The following LAMA5 variants were observed in gnomAD, a reference collection of about 807,000 sequenced individuals.
LAMA5 encodes the protein laminin subunit alpha 5, also known as laminin subunit alpha-5.
LAMA5 carries 260 observed loss-of-function variants against 433.4 expected under a neutral mutation model. The observed-to-expected ratio is 0.60, with a 90% CI of 0.54 to 0.66. The LOEUF (loss-of-function observed/expected upper bound fraction) is 0.66. LAMA5 is among the 30% of genes least tolerant of loss of function. LAMA5 has a pLI of 0.00. For missense variants in LAMA5, 5,378 were observed against 5,258.5 expected, an observed-to-expected ratio of 1.02 and a Z score of -0.70; for synonymous variants, 2,620 against 2,226.6, an observed-to-expected ratio of 1.18 and a Z score of -4.97.
chr20:62,356,805 C>T (rs574800469), intron 2 of LAMA5, among the ~76,000 whole-genome samples: 2 of 151,966 alleles, frequency 1.3e-5, no homozygotes, highest in Admixed American at 6.6e-5. Flanking sequence ...GGATAAAATG[C>T]CTTTCATGAG....
intron 11 of LAMA5, among the ~76,000 whole-genome samples, chr20:62,339,773 T>A (rs1478380921): frequency 6.6e-6 from 1 of 152,028 alleles, no homozygotes; most frequent in Non-Finnish European, 1.5e-5. Flanking sequence ...TTGCTCTAAC[T>A]TGTGAAAGTC....
chr20:62,327,535 G>A lies in LAMA5; in HGVS notation c.4932C>T (p.Arg1644=). The change falls in exon 37 of 80, where the codon CGC becomes CGT. Residue 1644 remains arginine, a synonymous_variant. Coordinates refer to ENST00000252999, the MANE Select transcript of LAMA5 (RefSeq NM_005560.6). ...CTCAGTCCTGCAGGCGCACCTCCTG[G>A]CGGGTGTAGGACGAGCTCCGGCAGC... ...TERCRSSSYT[R]QEFVDMEGWV... 6.2e-7 allele frequency: 1 copy of A among 1,612,876 alleles called. No homozygotes were observed. The highest frequency in any genetic ancestry group is 8.5e-7 in the Non-Finnish European group (1 of 1,179,992).
chr20:62,348,356 G>A lies in LAMA5; in HGVS notation c.957-1328C>T, dbSNP rs1230552382. ...GCAGTGGCTCACGCCTGTAATCCCA[G>A]CACTTTGGGAAGCCAAGGCGGGTGG... On this transcript the variant is annotated intron_variant, in intron 6 of 79. Transcript: ENST00000252999. Among the ~76,000 whole-genome samples the A allele has an allele frequency of 2.6e-5, 4 of 152,228 alleles. No individual in the cohort carries two copies. The South Asian group carries it at 8.3e-4, about 32-fold the overall frequency.
intron 2 of LAMA5, among the ~76,000 whole-genome samples, chr20:62,357,847 C>G (rs61051025): frequency 0.063 from 9,648 of 152,248 alleles, 347 homozygotes; most frequent in South Asian, 0.16. Context: ...CTCAACAGAG[C>G]TGGGCCTGGG....
chr20:62,314,480 G>C, intron 61 of LAMA5, 40 bp from the exon 62 acceptor site: 1 of 1,611,194 alleles, frequency 6.2e-7, no homozygotes, highest in Non-Finnish European at 8.5e-7. Flanking sequence ...TGGGGACCGG[G>C]GACCAGGGAC....
chr20:62,322,531 T>G, intron 46 of LAMA5, 82 bp from the exon 47 acceptor site: 2 of 1,467,314 alleles, frequency 1.4e-6, no homozygotes, highest in South Asian at 2.5e-5. Context: ...CCTGCCCATC[T>G]GGCCCCACCC....
At position 62,359,486 on chromosome 20, in the gene LAMA5, GGGGCCT is replaced by G; in HGVS notation, c.450+2908_450+2913del. ...TCACCCTTCCCTGGGCCTGGGGCCT[GGGGCCT>G]GGGGCCTGGGTGTGGTTCTCGGAAG... On this transcript the variant is annotated intron_variant, in intron 2 of 79. Coordinates refer to ENST00000252999, the MANE Select transcript of LAMA5 (RefSeq NM_005560.6). The surrounding 1 kb of genome is among the most constrained non-coding windows in gnomAD (Gnocchi z 4.3). Among the ~76,000 whole-genome samples the G allele has an allele frequency of 6.6e-6, 1 of 152,062 alleles. No individual in the cohort carries two copies. The highest frequency in any genetic ancestry group is 2.1e-4 in the South Asian group (1 of 4,812).
At chr20:62,360,629 G>A (rs185791144) in intron 2 of LAMA5, among the ~76,000 whole-genome samples, 58 of 39,780 alleles carry the variant, frequency 1.5e-3, no homozygotes, top group East Asian at 8.5e-3. Context: ...TGGGTGGAGG[G>A]ATAGATGGGT....
At position 62,311,694 on chromosome 20, in the gene LAMA5, C is replaced by G; in HGVS notation, c.9726G>C (p.Pro3242=). The change falls in exon 71 of 80, where the codon CCG becomes CCC. Residue 3242 remains proline (P), a synonymous_variant. Coordinates refer to ENST00000252999, the MANE Select transcript of LAMA5 (RefSeq NM_005560.6). Reference sequence around the variant, plus strand: ...CAGGCAGGCCTCCCAGGAGGAGCCTCGGGGGCCCCTCAGGCTGCGGCTGGA... The same window carrying G: ...CAGGCAGGCCTCCCAGGAGGAGCCTGGGGGGCCCCTCAGGCTGCGGCTGGA... ...PELQPQPEGP[P]RLLLGGLPES... is the part of the protein sequence containing the mutation. 6.3e-7 allele frequency: 1 copy of G among 1,579,912 alleles called. No individual in the cohort carries two copies. The highest frequency in any genetic ancestry group is 1.7e-4 in the Middle Eastern group (1 of 5,938).
chr20:62,314,274 G>A (rs1568898810), intron 62 of LAMA5, 30 bp downstream of exon 62: 4 of 1,605,362 alleles, frequency 2.5e-6, no homozygotes, highest in East Asian at 4.5e-5. Flanking sequence ...TGCAGTTGGA[G>A]GCATCCGGCC....
intron 23 of LAMA5, 53 bp from the exon 24 acceptor site, chr20:62,333,759 G>C (rs1980970516): frequency 7.0e-7 from 1 of 1,430,092 alleles, no homozygotes; most frequent in Admixed American, 2.3e-5. Flanking sequence ...GGCCACCCCA[G>C]GCTGCACCCC....
In LAMA5 at chr20:62,346,145, G is replaced by T; in HGVS notation, c.1353C>A (p.Pro451=). 6.2e-7 allele frequency: 1 copy of T among 1,613,104 alleles called. No individual in the cohort carries two copies. Among genetic ancestry groups the T allele is most frequent in the Non-Finnish European group, 8.5e-7 (1 of 1,179,990 alleles). The change falls in exon 10 of 80, where the codon CCC becomes CCA. Residue 451 remains proline (P), a synonymous_variant. Coordinates refer to ENST00000252999, the MANE Select transcript of LAMA5 (RefSeq NM_005560.6). The part of the protein sequence containing the change: ...EDLTGRCYCR[P]NFSGERCDVC... Reference sequence around the variant, plus strand: ...CGTCACACCGCTCCCCAGAGAAGTTGGGCCGGCAGTAGCATCGACCCGTCA... The same window carrying T: ...CGTCACACCGCTCCCCAGAGAAGTTTGGCCGGCAGTAGCATCGACCCGTCA...
rs544127218 is a variant in LAMA5, at chr20:62,324,460, G to A, written c.5624C>T (p.Pro1875Leu). The change falls in exon 42 of 80, where the codon CCT (proline) becomes CTT (leucine). Residue 1875 changes from proline (P) to leucine (L), a missense_variant. Transcript: ENST00000252999. The surrounding 1 kb of genome is among the most constrained non-coding windows in gnomAD (Gnocchi z 4.4). ...ACTCACCACACAGACGCCAGAGCCA[G>A]GGAGGCAGCGGTCTGAGTGTCCATG... The part of the protein sequence containing the change: ...QCHGHSDRCL[P>L]GSGVCVDCQH... 49 of 1,612,042 alleles carry A rather than the reference G, an allele frequency of 3.0e-5. No homozygotes were observed. In the East Asian group the frequency reaches 9.6e-4, roughly 32 times the overall value.
chr20:62,312,353 C>T, intron 68 of LAMA5, 37 bp from the exon 69 acceptor site: 1 of 1,602,514 alleles, frequency 6.2e-7, no homozygotes, highest in Non-Finnish European at 8.5e-7. Flanking sequence ...CGCGGGTGCC[C>T]CTGCATGTCC....
chr20:62,366,087 A>C (rs977936307), intron 1 of LAMA5, among the ~76,000 whole-genome samples: 1 of 152,198 alleles, frequency 6.6e-6, no homozygotes, highest in Non-Finnish European at 1.5e-5. Context: ...CAGGGCCCCT[A>C]GACTCTCCCT....
At chr20:62,322,629 A>AC in intron 46 of LAMA5, 29 bp downstream of exon 46, 1 of 637,306 alleles carries the variant, frequency 1.6e-6, no homozygotes, top group Non-Finnish European at 2.5e-6. Context: ...GGCCCCACCC[A>AC]CCCAGCCCTG....
intron 48 of LAMA5, 128 bp from the exon 49 acceptor site, chr20:62,321,018 C>T: frequency 9.7e-7 from 1 of 1,026,558 alleles, no homozygotes; most frequent in Non-Finnish European, 1.4e-6. Flanking sequence ...CTTAGGGACA[C>T]AGGACCTGTG....
At position 62,311,019 on chromosome 20, in the gene LAMA5, G is replaced by A. The variant is rs1986207013; in HGVS notation, c.10164C>T (p.Gly3388=). 3 of 1,609,788 alleles carry A rather than the reference G, an allele frequency of 1.9e-6. No individual in the cohort carries two copies. Among genetic ancestry groups the A allele is most frequent in the East Asian group, 2.2e-5 (1 of 44,820 alleles). ...LLLFTARLRP[G]SPSLALFLSN... is the part of the protein sequence containing the mutation. ...TCAGGAAGAGCGCCAGGGAGGGGCT[G>A]CCGGGCCTCAGACGGGCAGTGAAGA... Residue 3388 remains glycine, a synonymous_variant, in exon 74 of 80, where the codon GGC becomes GGT. Coordinates refer to ENST00000252999, the MANE Select transcript of LAMA5 (RefSeq NM_005560.6).
In LAMA5 at chr20:62,329,159, G is replaced by A. The variant is rs1353220009; in HGVS notation, c.4214C>T (p.Ala1405Val). Residue 1405 changes from alanine to valine, a missense_variant, in exon 33 of 80, where the codon GCA (alanine) becomes GTA (valine). Ala to Val is a moderately conservative substitution (Grantham distance 64). Coordinates refer to ENST00000252999, the MANE Select transcript of LAMA5 (RefSeq NM_005560.6). ...DKSYDFISHCAAQGYHISPSS... is the reference protein window; with the variant it reads ...DKSYDFISHCVAQGYHISPSS... ...CCACCTGATGTGGTAGCCCTGGGCT[G>A]CGCAGTGGCTGATGAAGTCATAGGA... 6.2e-7 allele frequency: 1 copy of A among 1,612,794 alleles called. No individual in the cohort carries two copies.
Sources: gnomAD v4.1 joint callset for allele counts (sites outside exome capture counted in the v4.1 genomes callset) on GRCh38, gnomAD v4.1.1 for gene constraint, Gnocchi (gnomAD v3.1) non-coding constraint, MANE v1.5 for transcripts, NCBI Gene and HGNC (gene_info 2026-07-23, HGNC 2026-07-21) for gene names.